GFRA1: variants seen among roughly 807,000 people sequenced by gnomAD.
The protein encoded by GFRA1 is GDNF family receptor alpha 1, also known as GDNF family receptor alpha-1.
GFRA1 carries 16 observed loss-of-function variants against 51.6 expected under a neutral mutation model. The observed-to-expected ratio is 0.31, with a 90% CI of 0.21 to 0.47. GFRA1 has a LOEUF of 0.47. GFRA1 is among the 20% of genes least tolerant of loss of function. The pLI is 1.00. For synonymous variants in GFRA1, 270 were observed against 241.3 expected (o/e 1.12, Z -1.10); for missense variants, 530 against 594.3 (o/e 0.89, Z 1.13).
chr10:116,126,098 A>G (rs1370349908), intron 5 of GFRA1, among the ~76,000 whole-genome samples: 1 of 152,230 alleles, frequency 6.6e-6, no homozygotes, highest in East Asian at 1.9e-4. Context: ...GGAAGAAGCC[A>G]CCACAACGAA....
rs550021440 is a variant in GFRA1, at chr10:116,261,043, C to G, written c.418+8460G>C. Among the ~76,000 whole-genome samples, 106 of 152,274 alleles carry G rather than the reference C, an allele frequency of 7.0e-4. 1 individual carries two copies. Among genetic ancestry groups the G allele is most frequent in the Middle Eastern group, 6.8e-3 (2 of 294 alleles). ...TGTTGCCAGAGACCTATTAATTAAC[C>G]CTTGTTCCAAAACAATGAACAACTA... On this transcript the variant is annotated intron_variant, in intron 4 of 10. Transcript: ENST00000355422.
intron 5 of GFRA1, among the ~76,000 whole-genome samples, chr10:116,193,983 G>C (rs1963498939): frequency 6.6e-6 from 1 of 150,388 alleles, no homozygotes; most frequent in Non-Finnish European, 1.5e-5. Context: ...AGCTTGCAGT[G>C]AGCCGAGATC....
intron 5 of GFRA1, among the ~76,000 whole-genome samples, chr10:116,194,644 A>ATT (rs11372597): frequency 3.3e-5 from 5 of 150,616 alleles, no homozygotes; most frequent in South Asian, 2.1e-4. Context: ...AGCAACTTTA[A>ATT]TTTTTTTTTT....
chr10:116,227,804 A>G (rs1328534147), intron 4 of GFRA1, among the ~76,000 whole-genome samples: 1 of 152,262 alleles, frequency 6.6e-6, no homozygotes, highest in Non-Finnish European at 1.5e-5. Context: ...CCACATGCTC[A>G]TAAATGAGAG....
chr10:116,202,254 G>A (rs1964395390), intron 5 of GFRA1, among the ~76,000 whole-genome samples: 1 of 152,160 alleles, frequency 6.6e-6, no homozygotes, highest in South Asian at 2.1e-4. Context: ...ACTCCCACTT[G>A]AGGGGTGGGG....
intron 5 of GFRA1, among the ~76,000 whole-genome samples, chr10:116,140,863 G>A (rs940365120): frequency 2.0e-5 from 3 of 152,192 alleles, no homozygotes; most frequent in Non-Finnish European, 2.9e-5. Flanking sequence ...ACCTGCTGAA[G>A]CTGAACACTG....
At chr10:116,227,865 G>A (rs759484680) in intron 4 of GFRA1, among the ~76,000 whole-genome samples, 7 of 152,196 alleles carry the variant, frequency 4.6e-5, no homozygotes, top group Non-Finnish European at 8.8e-5. Flanking sequence ...CATGCAACCT[G>A]CTCAGTACTG....
chr10:116,197,251 A>G (rs2694755), intron 5 of GFRA1, among the ~76,000 whole-genome samples: 142,515 of 151,924 alleles, frequency 0.94, 66,835 homozygotes, highest in East Asian at 1. Flanking sequence ...GGCCCTTAGG[A>G]CTCCAAAAAG....
chr10:116,081,107 TTCTGTGAATCATTCCAGTGAAATGA>T (rs1955830160), intron 9 of GFRA1, among the ~76,000 whole-genome samples: 1 of 152,150 alleles, frequency 6.6e-6, no homozygotes. Flanking sequence ...CTTTCCTGAT[TTCTGTGAATCATTCCAGTGAAATGA>T]ACTTGAGGGG....
chr10:116,191,213 G>C lies in GFRA1; in HGVS notation c.433+20418C>G, dbSNP rs143218873. Among the ~76,000 whole-genome samples the C allele has an allele frequency of 5.6e-4, 86 of 152,298 alleles. 1 individual carries two copies. Among genetic ancestry groups the C allele is most frequent in the African/African-American group, 2.0e-3 (83 of 41,546 alleles). ...AAAAAAAACCCACAGTACTAGTTAT[G>C]CTAGAACTGTGTTGAGTGTGCATCT... On this transcript the variant is annotated intron_variant, in intron 5 of 10. Coordinates refer to ENST00000355422, the MANE Select transcript of GFRA1 (RefSeq NM_005264.8).
Position 116,270,865 on chromosome 10 carries a change from C to T in GFRA1, c.291G>A (p.Lys97=). The change falls in exon 3 of 11, where the codon AAG becomes AAA. Residue 97 remains lysine (K), a synonymous_variant. Transcript: ENST00000355422. ...TGCTCCAGTAAATGCGCAGGCAGTT[C>T]TTCTCCTTCTTCATACCCCGCTTGC... ...CRCKRGMKKE[K]NCLRIYWSMY... 1 of 1,613,950 alleles carries T rather than the reference C, an allele frequency of 6.2e-7. No individual in the cohort carries two copies. Among genetic ancestry groups the T allele is most frequent in the South Asian group, 1.1e-5 (1 of 91,086 alleles).
At chr10:116,066,544 G>A (rs569079626) in intron 9 of GFRA1, among the ~76,000 whole-genome samples, 16 of 152,292 alleles carry the variant, frequency 1.1e-4, no homozygotes, top group Admixed American at 1.3e-4. Flanking sequence ...GTGAAAATGC[G>A]TGTGAAAACT....
intron 5 of GFRA1, among the ~76,000 whole-genome samples, chr10:116,203,914 A>G (rs1964532300): frequency 6.6e-6 from 1 of 152,232 alleles, no homozygotes; most frequent in Non-Finnish European, 1.5e-5. Context: ...ACACTATGCA[A>G]TTGGCCTCTG....
chr10:116,208,646 G>A (rs1027499638), intron 5 of GFRA1, among the ~76,000 whole-genome samples: 3 of 152,130 alleles, frequency 2.0e-5, no homozygotes, highest in East Asian at 1.9e-4. Flanking sequence ...TTTATACCGC[G>A]CCCACTTACG....
At chr10:116,093,874 A>G in intron 7 of GFRA1, 38 bp from the exon 8 acceptor site, 7 of 1,608,682 alleles carry the variant, frequency 4.4e-6, no homozygotes, top group Non-Finnish European at 6.0e-6. Flanking sequence ...TTGTTGTATG[A>G]TGATACTTTT....
At chr10:116,179,159 T>G (rs1961962058) in intron 5 of GFRA1, among the ~76,000 whole-genome samples, 1 of 152,236 alleles carries the variant, frequency 6.6e-6, no homozygotes, top group Non-Finnish European at 1.5e-5. Context: ...CAGCACCAAA[T>G]GGCTACATCT....
intron 8 of GFRA1, among the ~76,000 whole-genome samples, chr10:116,091,896 A>G (rs1956353666): frequency 6.6e-6 from 1 of 152,210 alleles, no homozygotes; most frequent in Non-Finnish European, 1.5e-5. Flanking sequence ...GTCATTAACA[A>G]TGAGACACCA....
chr10:116,232,279 A>G (rs1270866882), intron 4 of GFRA1, among the ~76,000 whole-genome samples: 2 of 152,222 alleles, frequency 1.3e-5, no homozygotes, highest in African/African-American at 4.8e-5. Context: ...TATGCCTTAC[A>G]GGGTGTAATC....
chr10:116,148,834 C>G (rs1021235964), intron 5 of GFRA1, among the ~76,000 whole-genome samples: 2 of 152,190 alleles, frequency 1.3e-5, no homozygotes, highest in Non-Finnish European at 2.9e-5. Context: ...GAATGAAGAG[C>G]TGGCTGAACT....
Sources: gnomAD v4.1 joint callset for allele counts (sites outside exome capture counted in the v4.1 genomes callset) on GRCh38, gnomAD v4.1.1 for gene constraint, MANE v1.5 for transcripts, NCBI Gene and HGNC (gene_info 2026-07-23, HGNC 2026-07-21) for gene names.